RASA3: variants seen among roughly 807,000 people sequenced by gnomAD.
The protein encoded by RASA3 is RAS p21 protein activator 3.
RASA3 carries 73 observed loss-of-function variants against 110.0 expected under a neutral mutation model. The observed-to-expected ratio is 0.66, with a 90% CI of 0.55 to 0.81. The LOEUF (loss-of-function observed/expected upper bound fraction) is 0.81. Ranked by LOEUF, RASA3 falls within the 30% of genes least tolerant of loss-of-function variation. The pLI is 0.00. For missense variants in RASA3, 976 were observed against 1,113.2 expected (o/e 0.88, Z 1.75); for synonymous variants, 500 against 451.4 (o/e 1.11, Z -1.37).
chr13:114,022,128 C>T (rs149921005), intron 8 of RASA3, among the ~76,000 whole-genome samples: 41 of 152,264 alleles, frequency 2.7e-4, no homozygotes, highest in East Asian at 1.7e-3. Flanking sequence ...CACACCACAG[C>T]GGGGGGAGAA....
At chr13:114,051,815 T>C (rs6560958) in intron 3 of RASA3, among the ~76,000 whole-genome samples, 109,382 of 152,130 alleles carry the variant, frequency 0.72, 40,128 homozygotes, top group African/African-American at 0.87. Flanking sequence ...TGAGGGGCCA[T>C]GGAAGCCTCG....
At position 114,056,424 on chromosome 13, in the gene RASA3, G is replaced by C. The variant is rs2079246635; in HGVS notation, c.174-4269C>G. ...CCTGATGCACAGGGTGGGAAACCGA[G>C]GCACTCCAACATCTGATGAAACGAA... On this transcript the variant is annotated intron_variant, in intron 2 of 23. Transcript: ENST00000334062. This position sits in a 1 kb window ranked among gnomAD's most constrained non-coding sequence, Gnocchi z 5.7. The C allele has an allele frequency of 1.0e-6, 1 of 983,272 alleles. No homozygotes were observed. Among genetic ancestry groups the C allele is most frequent in the Admixed American group, 6.1e-5 (1 of 16,272 alleles). 60.9% of individuals were successfully genotyped at this position (983,272 alleles called of 1,614,324 possible).
intron 1 of RASA3, among the ~76,000 whole-genome samples, chr13:114,117,720 AT>A (rs2080309468): frequency 5.7e-5 from 2 of 35,014 alleles, no homozygotes; most frequent in African/African-American, 8.8e-5. Flanking sequence ...TGTGTGAGGG[AT>A]GCATGTGTGT....
chr13:114,052,961 AAATC>A (rs2079174349), intron 2 of RASA3, among the ~76,000 whole-genome samples: 11 of 116,158 alleles, frequency 9.5e-5, no homozygotes, highest in African/African-American at 3.2e-4. Flanking sequence ...CCTGGGGGAG[AAATC>A]GCCACTGCTG....
In RASA3 at chr13:114,103,564, G is replaced by A. The variant is rs1268498190; in HGVS notation, c.55+28871C>T. Among the ~76,000 whole-genome samples the A allele has an allele frequency of 5.8e-4, 42 of 72,288 alleles. 3 individuals are homozygous for A. Among genetic ancestry groups the A allele is most frequent in the Non-Finnish European group, 9.6e-4 (35 of 36,424 alleles). The allele number at this position is 72,288 out of a possible 152,430, so 47.4% of individuals were successfully genotyped here. On this transcript the variant is annotated intron_variant, in intron 1 of 23. Coordinates refer to ENST00000334062, the MANE Select transcript of RASA3 (RefSeq NM_007368.4). ...GCCACGGCCACAGACACCCACCCCC[G>A]ATGCGTCCATGCTGCCACAGCCACG...
At position 114,065,418 on chromosome 13, in the gene RASA3, C is replaced by T. The variant is rs897276855; in HGVS notation, c.173+8302G>A. Among the ~76,000 whole-genome samples, 4 of 152,214 alleles carry T rather than the reference C, an allele frequency of 2.6e-5. No homozygotes were observed. The highest frequency in any genetic ancestry group is 6.5e-5 in the Admixed American group (1 of 15,290). On this transcript the variant is annotated intron_variant, in intron 2 of 23. Transcript: ENST00000334062. The surrounding 1 kb of genome is among the most constrained non-coding windows in gnomAD (Gnocchi z 4.1). ...GGGTAAAGGCTGCGTGAAGAGGAAC[C>T]AAACCCCAAACCGGGTCTGCGAAGC... is the stretch of plus-strand genomic sequence containing the variant.
At chr13:114,047,715 G>A (rs2079075776) in intron 3 of RASA3, among the ~76,000 whole-genome samples, 1 of 152,262 alleles carries the variant, frequency 6.6e-6, no homozygotes, top group Non-Finnish European at 1.5e-5. Context: ...GTGGAAGGGG[G>A]CGGCCTGGCT....
At chr13:113,996,955 C>T (rs992206913) in intron 20 of RASA3, among the ~76,000 whole-genome samples, 5 of 152,200 alleles carry the variant, frequency 3.3e-5, no homozygotes, top group Admixed American at 6.5e-5. Context: ...CAGCTGGGGC[C>T]GTGGGGAATG....
At chr13:114,113,390 G>A (rs569006122) in intron 1 of RASA3, among the ~76,000 whole-genome samples, 4 of 152,236 alleles carry the variant, frequency 2.6e-5, no homozygotes, top group African/African-American at 9.6e-5. Context: ...TATCTAAAAT[G>A]TCAAGCAGAC....
chr13:114,013,457 TTGTCTCTCTCCC>T (rs1160153832), intron 14 of RASA3, among the ~76,000 whole-genome samples: 69 of 32,872 alleles, frequency 2.1e-3, no homozygotes, highest in Middle Eastern at 0.031. Flanking sequence ...CTCTCCCCCT[TTGTCTCTCTCCC>T]TGTCTCTCTC....
intron 1 of RASA3, among the ~76,000 whole-genome samples, chr13:114,098,417 G>C (rs1385217158): frequency 6.6e-6 from 1 of 152,194 alleles, no homozygotes; most frequent in Non-Finnish European, 1.5e-5. Context: ...CTGCACCAGA[G>C]CCATGGGGGA....
At chr13:114,001,891 T>G (rs1375745123) in intron 18 of RASA3, among the ~76,000 whole-genome samples, 1 of 152,198 alleles carries the variant, frequency 6.6e-6, no homozygotes, top group African/African-American at 2.4e-5. Context: ...AGCCCTGCTG[T>G]GGTAGAAGGC....
At chr13:113,991,735 G>A (rs1339411131) in intron 22 of RASA3, among the ~76,000 whole-genome samples, 1 of 152,212 alleles carries the variant, frequency 6.6e-6, no homozygotes, top group African/African-American at 2.4e-5. Context: ...CGTTATCTGT[G>A]ACATTGAATT....
intron 1 of RASA3, among the ~76,000 whole-genome samples, chr13:114,092,709 T>C (rs958754734): frequency 1.3e-5 from 2 of 152,218 alleles, no homozygotes; most frequent in African/African-American, 4.8e-5. Flanking sequence ...ACTCCAATGC[T>C]TCTTGTTGAT....
At chr13:114,051,141 A>G (rs1026165639) in intron 3 of RASA3, among the ~76,000 whole-genome samples, 1 of 152,106 alleles carries the variant, frequency 6.6e-6, no homozygotes, top group Non-Finnish European at 1.5e-5. Context: ...GCCTGGGGCC[A>G]AGCTGGGGGT....
chr13:114,109,937 C>T (rs2080194223), intron 1 of RASA3, among the ~76,000 whole-genome samples: 1 of 152,164 alleles, frequency 6.6e-6, no homozygotes, highest in Non-Finnish European at 1.5e-5. Flanking sequence ...TCCCGGTGAA[C>T]GTCCCGTCTC....
At chr13:113,990,848 TG>T (rs1332971245) in intron 22 of RASA3, among the ~76,000 whole-genome samples, 6 of 152,194 alleles carry the variant, frequency 3.9e-5, no homozygotes, top group Admixed American at 6.6e-5. Flanking sequence ...ACACATGTAT[TG>T]CTGGGAACAT....
intron 1 of RASA3, among the ~76,000 whole-genome samples, chr13:114,127,604 AGAAACAGCTC>A (rs2080468012): frequency 6.6e-6 from 1 of 152,222 alleles, no homozygotes; most frequent in South Asian, 2.1e-4. Flanking sequence ...ATCACAGAGA[AGAAACAGCTC>A]TCCAAACTGA....
chr13:114,030,139 C>T (rs1249428692), intron 4 of RASA3, among the ~76,000 whole-genome samples: 3 of 152,256 alleles, frequency 2.0e-5, no homozygotes, highest in African/African-American at 7.2e-5. Flanking sequence ...CTGCTGAGAG[C>T]AGGTCGCTGC....
Sources: allele counts gnomAD v4.1 joint callset (sites outside exome capture counted in the v4.1 genomes callset), GRCh38; gene constraint gnomAD v4.1.1; non-coding constraint Gnocchi (gnomAD v3.1); transcripts MANE v1.5; gene names NCBI Gene and HGNC (gene_info 2026-07-23, HGNC 2026-07-21).